The following IQCJ variants were observed in gnomAD, a reference collection of about 807,000 sequenced individuals.
IQCJ encodes the protein IQ motif containing J, also known as IQ domain-containing protein J.
IQCJ carries 9 observed loss-of-function variants against 11.0 expected under a neutral mutation model. That is an observed-to-expected ratio of 0.82 (90% CI 0.49 to 1.43). IQCJ has a LOEUF of 1.43. Among genes scored for constraint, IQCJ ranks in the 40% most tolerant of loss-of-function variants. The pLI is 0.00. For missense variants in IQCJ, 146 were observed against 133.2 expected (o/e 1.10, Z -0.47); for synonymous variants, 55 against 51.3 (o/e 1.07, Z -0.31).
intron 1 of IQCJ, among the ~76,000 whole-genome samples, chr3:159,112,405 A>G (rs567639262): frequency 4.4e-4 from 67 of 152,250 alleles, no homozygotes; most frequent in African/African-American, 1.5e-3. Flanking sequence ...TGAAACACAA[A>G]CTCAACCTTT....
rs143978868 is a variant in IQCJ, at chr3:159,124,057, C to T, written c.9+54616C>T. Among the ~76,000 whole-genome samples, 265 of 152,300 alleles carry T rather than the reference C, an allele frequency of 1.7e-3. 2 individuals carry two copies. The highest frequency in any genetic ancestry group is 6.2e-3 in the African/African-American group (257 of 41,566). Reference sequence around the variant, plus strand: ...CTATGTATCTTATTTCAATGCCCCACTTGCCTTAAATATCACCACCTGCCA... The same window carrying T: ...CTATGTATCTTATTTCAATGCCCCATTTGCCTTAAATATCACCACCTGCCA... On this transcript the variant is annotated intron_variant, in intron 1 of 3. Coordinates refer to ENST00000397832, the MANE Select transcript of IQCJ (RefSeq NM_001042706.3).
chr3:159,250,326 T>A (rs1727521941), intron 2 of IQCJ, among the ~76,000 whole-genome samples: 1 of 152,186 alleles, frequency 6.6e-6, no homozygotes, highest in African/African-American at 2.4e-5. Flanking sequence ...CTTTGTTGCA[T>A]ATCTACAGGC....
At chr3:159,090,600 G>T (rs537521116) in intron 1 of IQCJ, among the ~76,000 whole-genome samples, 15 of 151,768 alleles carry the variant, frequency 9.9e-5, no homozygotes, top group Non-Finnish European at 1.9e-4. Context: ...GCACATATGG[G>T]TGTGTCATAT....
intron 1 of IQCJ, among the ~76,000 whole-genome samples, chr3:159,117,267 T>G (rs1357080141): frequency 6.6e-6 from 1 of 152,148 alleles, no homozygotes; most frequent in Non-Finnish European, 1.5e-5. Context: ...CAGGTTCTCC[T>G]CCACTATTTC....
intron 3 of IQCJ, among the ~76,000 whole-genome samples, chr3:159,253,973 T>C (rs1193109020): frequency 6.6e-6 from 1 of 152,220 alleles, no homozygotes; most frequent in Non-Finnish European, 1.5e-5. Flanking sequence ...CCCCTCAAGA[T>C]GAAGTCCAAA....
chr3:159,261,688 A>G (rs1728217298), intron 3 of IQCJ, among the ~76,000 whole-genome samples: 1 of 152,216 alleles, frequency 6.6e-6, no homozygotes, highest in Non-Finnish European at 1.5e-5. Context: ...ATTTCTTCAT[A>G]GCAGCATGAA....
At chr3:159,174,096 A>T (rs940806034) in intron 1 of IQCJ, among the ~76,000 whole-genome samples, 19 of 152,268 alleles carry the variant, frequency 1.2e-4, no homozygotes, top group Admixed American at 7.2e-4. Context: ...GAGAATTTTT[A>T]AAAAATTGCA....
chr3:159,161,944 T>C (rs1324419555), intron 1 of IQCJ, among the ~76,000 whole-genome samples: 1 of 152,236 alleles, frequency 6.6e-6, no homozygotes, highest in Non-Finnish European at 1.5e-5. Context: ...CCTTGAAGTA[T>C]AGTTCGAAGT....
chr3:159,106,975 C>T (rs187310077), intron 1 of IQCJ, among the ~76,000 whole-genome samples: 1 of 152,262 alleles, frequency 6.6e-6, no homozygotes, highest in East Asian at 1.9e-4. Flanking sequence ...ATTACTTTGA[C>T]TGTACAGATA....
rs1175577928 is a variant in IQCJ, at chr3:159,161,263, AT to A, written c.10-84577del. 2.6e-5 allele frequency among the ~76,000 whole-genome samples: 4 copies of A among 152,026 alleles called. No individual in the cohort carries two copies. The East Asian group carries it at 5.8e-4, about 22-fold the overall frequency. On this transcript the variant is annotated intron_variant, in intron 1 of 3. Coordinates refer to ENST00000397832, the MANE Select transcript of IQCJ (RefSeq NM_001042706.3). Reference sequence around the variant, plus strand: ...GTATGTCATTGTGGTTTTGATTTGCATTTCTCTGATGGCCAGTGATGGTGGA... The same window carrying A: ...GTATGTCATTGTGGTTTTGATTTGCATTCTCTGATGGCCAGTGATGGTGGA...
intron 1 of IQCJ, among the ~76,000 whole-genome samples, chr3:159,195,110 CA>C (rs112153859): frequency 4.3e-4 from 63 of 146,952 alleles, no homozygotes; most frequent in Middle Eastern, 3.4e-3. Context: ...GACTCTGTCT[CA>C]AAAAAAAAAA....
rs571765538 is a variant in IQCJ at position 159,201,825 on chromosome 3, G to A, written c.10-44018G>A. ...GTGGATTTGGAAGTTTTCTGTTGTT[G>A]TTGTTGTTACTCTTTTCCATCAGTA... On this transcript the variant is annotated intron_variant, in intron 1 of 3. Coordinates refer to ENST00000397832, the MANE Select transcript of IQCJ (RefSeq NM_001042706.3). Among the ~76,000 whole-genome samples the A allele has an allele frequency of 3.3e-5, 5 of 151,920 alleles. 1 individual carries two copies. In the South Asian group the frequency reaches 1.0e-3, roughly 32 times the overall value.
chr3:159,142,681 G>C (rs559654861), intron 1 of IQCJ, among the ~76,000 whole-genome samples: 68 of 152,294 alleles, frequency 4.5e-4, no homozygotes, highest in South Asian at 2.1e-3. Flanking sequence ...GCCTCCCAAA[G>C]TGCTGGAATT....
chr3:159,225,011 C>T (rs1349404091), intron 1 of IQCJ, among the ~76,000 whole-genome samples: 1 of 151,974 alleles, frequency 6.6e-6, no homozygotes, highest in Non-Finnish European at 1.5e-5. Flanking sequence ...AACATATAAC[C>T]CATAAAATTT....
Position 159,263,250 on chromosome 3 carries a change from C to A in IQCJ, c.*519C>A, listed in dbSNP as rs1728324018. ...GACAATGTGACACCATGTGGCGATA[C>A]AGGCAGGCATGGCCAAATGTGATTT... On this transcript the variant is annotated 3_prime_UTR_variant, in exon 4 of 4. Transcript: ENST00000397832. 6 of 322,204 alleles carry A rather than the reference C, an allele frequency of 1.9e-5. No individual in the cohort carries two copies. The highest frequency in any genetic ancestry group is 2.7e-5 in the Non-Finnish European group (6 of 223,788). 20.0% of individuals were successfully genotyped at this position (322,204 alleles called of 1,614,324 possible).
At chr3:159,229,556 G>A (rs896314097) in intron 1 of IQCJ, among the ~76,000 whole-genome samples, 6 of 151,528 alleles carry the variant, frequency 4.0e-5, no homozygotes, top group East Asian at 3.9e-4. Flanking sequence ...ACTTGATTAC[G>A]TTTTTGTTAA....
intron 1 of IQCJ, among the ~76,000 whole-genome samples, chr3:159,199,354 A>T (rs944561003): frequency 6.6e-6 from 1 of 152,164 alleles, no homozygotes; most frequent in Non-Finnish European, 1.5e-5. Flanking sequence ...AAGTTGGAGG[A>T]AGGGCCCACA....
intron 1 of IQCJ, among the ~76,000 whole-genome samples, chr3:159,168,946 T>A (rs1722327743): frequency 6.7e-6 from 1 of 149,188 alleles, no homozygotes; most frequent in Non-Finnish European, 1.5e-5. Context: ...TGCCAGGCCA[T>A]CATTCTCATG....
At chr3:159,242,060 C>T (rs1190993908) in intron 1 of IQCJ, among the ~76,000 whole-genome samples, 1 of 152,052 alleles carries the variant, frequency 6.6e-6, no homozygotes, top group African/African-American at 2.4e-5. Context: ...GTTCTGTGTA[C>T]AAGGAACAGC....
Sources: gnomAD v4.1 joint callset for allele counts (sites outside exome capture counted in the v4.1 genomes callset) on GRCh38, gnomAD v4.1.1 for gene constraint, MANE v1.5 for transcripts, NCBI Gene and HGNC (gene_info 2026-07-23, HGNC 2026-07-21) for gene names.